Variants in PRKAR2A observed in about 807,000 individuals in gnomAD.
PRKAR2A encodes the protein protein kinase cAMP-dependent type II regulatory subunit alpha, also known as cAMP-dependent protein kinase type II-alpha regulatory subunit.
Under a neutral mutation model 51.9 loss-of-function variants are expected in PRKAR2A, and 29 were observed. The ratio of observed to expected loss-of-function variants is 0.56; its 90% CI spans 0.42 to 0.76. The LOEUF (loss-of-function observed/expected upper bound fraction) is 0.76. PRKAR2A is among the 30% of genes least tolerant of loss of function. PRKAR2A has a pLI of 0.00. For synonymous variants in PRKAR2A, 178 were observed against 186.2 expected (o/e 0.96, Z 0.36); for missense variants, 445 against 512.1 (o/e 0.87, Z 1.26).
At chr3:48,802,107 C>T (rs1333739189) in intron 2 of PRKAR2A, among the ~76,000 whole-genome samples, 1 of 152,132 alleles carries the variant, frequency 6.6e-6, no homozygotes, top group African/African-American at 2.4e-5. Context: ...TGGGGTTTCA[C>T]GATGTTGGCC....
At chr3:48,817,669 T>A (rs1372690910) in intron 1 of PRKAR2A, among the ~76,000 whole-genome samples, 6 of 144,398 alleles carry the variant, frequency 4.2e-5, no homozygotes, top group East Asian at 2.0e-4. Flanking sequence ...ATAAATAAAA[T>A]AAATAAATAA....
intron 5 of PRKAR2A, among the ~76,000 whole-genome samples, chr3:48,780,709 C>G (rs2082181459): frequency 6.6e-6 from 1 of 150,534 alleles, no homozygotes; most frequent in Admixed American, 6.7e-5. Flanking sequence ...GTTCAAGAAT[C>G]TAAATAAGAA....
chr3:48,839,134 A>T (rs1265084070), intron 1 of PRKAR2A, among the ~76,000 whole-genome samples: 1 of 151,962 alleles, frequency 6.6e-6, no homozygotes, highest in Non-Finnish European at 1.5e-5. Flanking sequence ...CTAAAAACAC[A>T]AACATTAGCC....
At chr3:48,770,167 A>G (rs1418154416) in intron 6 of PRKAR2A, among the ~76,000 whole-genome samples, 1 of 152,178 alleles carries the variant, frequency 6.6e-6, no homozygotes, top group East Asian at 1.9e-4. Flanking sequence ...GAGAATATAA[A>G]AAAAGCACCA....
At chr3:48,798,828 T>C (rs1336359356) in intron 2 of PRKAR2A, among the ~76,000 whole-genome samples, 1 of 151,978 alleles carries the variant, frequency 6.6e-6, no homozygotes, top group East Asian at 1.9e-4. Flanking sequence ...GCCCAGCTAA[T>C]TTTTGTATTT....
chr3:48,782,735 C>T (rs768924322), intron 5 of PRKAR2A, among the ~76,000 whole-genome samples: 28 of 152,196 alleles, frequency 1.8e-4, no homozygotes, highest in Non-Finnish European at 3.8e-4. Flanking sequence ...CAATTACAGG[C>T]ATGAGCCACT....
At chr3:48,788,740 G>A (rs373911190) in intron 4 of PRKAR2A, among the ~76,000 whole-genome samples, 10 of 152,060 alleles carry the variant, frequency 6.6e-5, no homozygotes, top group African/African-American at 2.2e-4. Context: ...GGTTATCTAC[G>A]AACCAGGAAG....
At position 48,790,595 on chromosome 3, in the gene PRKAR2A, G is replaced by C. The variant is rs976738602; in HGVS notation, c.384C>G (p.Cys128Trp). 6.5e-7 allele frequency: 1 copy of C among 1,530,080 alleles called. No individual in the cohort carries two copies. Among genetic ancestry groups the C allele is most frequent in the African/African-American group, 1.4e-5 (1 of 71,584 alleles). The allele number at this position is 1,530,080 out of a possible 1,614,324, so 94.8% of individuals were successfully genotyped here. A position where few individuals can be genotyped will look rare whatever the true frequency, so the allele number is the denominator to read the frequency against. The change falls in exon 4 of 11, where the codon TGC becomes TGG. Residue 128 changes from cysteine (C) to tryptophan (W), a missense_variant. Coordinates refer to ENST00000265563, the MANE Select transcript of PRKAR2A (RefSeq NM_004157.4). ...TATCTTTGCAAGCTTCCTGAAGTCTGCATCTCTGTTCATCAGTTTTAGGAT... is the reference window on the plus strand; with the variant it reads ...TATCTTTGCAAGCTTCCTGAAGTCTCCATCTCTGTTCATCAGTTTTAGGAT... ...VIHPKTDEQR[C>W]RLQEACKDIL...
chr3:48,829,871 A>ATTTT lies in PRKAR2A; in HGVS notation c.262+17460_262+17463dup, dbSNP rs763726926. Among the ~76,000 whole-genome samples the ATTTT allele has an allele frequency of 2.6e-4, 23 of 87,726 alleles. 2 individuals carry two copies. The highest frequency in any genetic ancestry group is 1.2e-3 in the African/African-American group (23 of 18,680). 57.6% of individuals were successfully genotyped at this position (87,726 alleles called of 152,430 possible). A position where few individuals can be genotyped will look rare whatever the true frequency, so the allele number is the denominator to read the frequency against. ...TGTATATATATATATATATATATAT[A>ATTTT]TTTTTTTTTTTTTTTTAAGCTTTTT... On this transcript the variant is annotated intron_variant, in intron 1 of 10. Coordinates refer to ENST00000265563, the MANE Select transcript of PRKAR2A (RefSeq NM_004157.4).
rs374314856 is a variant in PRKAR2A, at chr3:48,813,847, GA to G, written c.263-6164del. On this transcript the variant is annotated intron_variant, in intron 1 of 10. Coordinates refer to ENST00000265563, the MANE Select transcript of PRKAR2A (RefSeq NM_004157.4). The stretch of plus-strand genomic sequence containing the variant: ...AGATAAAGGAGGAAAGTGGGGCCAG[GA>G]TGTGTTGGCTCACACCTGTAATTCC... Among the ~76,000 whole-genome samples, 453 of 152,274 alleles carry G rather than the reference GA, an allele frequency of 3.0e-3. 3 individuals are homozygous for G. The highest frequency in any genetic ancestry group is 9.9e-3 in the African/African-American group (413 of 41,554).
chr3:48,840,124 GT>G (rs1437110410), intron 1 of PRKAR2A, among the ~76,000 whole-genome samples: 2 of 152,102 alleles, frequency 1.3e-5, no homozygotes, highest in Non-Finnish European at 2.9e-5. Context: ...TACATTATTT[GT>G]CCTTTTGTAT....
intron 1 of PRKAR2A, among the ~76,000 whole-genome samples, chr3:48,840,111 T>A (rs1044093690): frequency 7.2e-5 from 11 of 152,220 alleles, no homozygotes; most frequent in Non-Finnish European, 1.3e-4. Flanking sequence ...GTAAGTGGAA[T>A]CATACATTAT....
At chr3:48,773,597 TA>T (rs1456294944) in intron 5 of PRKAR2A, among the ~76,000 whole-genome samples, 3 of 151,742 alleles carry the variant, frequency 2.0e-5, no homozygotes, top group African/African-American at 7.3e-5. Context: ...CTCAGCCTCC[TA>T]AAGTGCTGGG....
chr3:48,777,178 GAA>G (rs1003132139), intron 5 of PRKAR2A, among the ~76,000 whole-genome samples: 55 of 152,210 alleles, frequency 3.6e-4, no homozygotes, highest in African/African-American at 1.3e-3. Context: ...CCTGCTATCT[GAA>G]GTCATTTTTG....
intron 3 of PRKAR2A, among the ~76,000 whole-genome samples, chr3:48,791,038 C>A (rs1363293928): frequency 3.9e-5 from 6 of 152,102 alleles, no homozygotes; most frequent in Non-Finnish European, 7.4e-5. Context: ...CCTGTAATCC[C>A]AACACTTTGG....
intron 1 of PRKAR2A, among the ~76,000 whole-genome samples, chr3:48,829,845 G>GTGTGTA (rs1205804647): frequency 6.5e-5 from 3 of 46,274 alleles, no homozygotes; most frequent in African/African-American, 2.1e-4. Context: ...ATATGCGTGT[G>GTGTGTA]TGTATATATA....
chr3:48,828,165 C>T (rs2083100603), intron 1 of PRKAR2A, among the ~76,000 whole-genome samples: 1 of 152,078 alleles, frequency 6.6e-6, no homozygotes, highest in African/African-American at 2.4e-5. Flanking sequence ...CGCACATGGC[C>T]CAACTTTAAA....
chr3:48,800,838 A>AT (rs1219640064), intron 2 of PRKAR2A, among the ~76,000 whole-genome samples: 1 of 150,846 alleles, frequency 6.6e-6, no homozygotes, highest in East Asian at 2.0e-4. Context: ...ACACCCAGCT[A>AT]TTTTTTTTGT....
intron 1 of PRKAR2A, among the ~76,000 whole-genome samples, chr3:48,844,753 C>T (rs2083434902): frequency 6.7e-6 from 1 of 148,734 alleles, no homozygotes; most frequent in African/African-American, 2.5e-5. Context: ...AACCAAACAC[C>T]GCATGTTCTC....
Sources: allele counts gnomAD v4.1 joint callset (sites outside exome capture counted in the v4.1 genomes callset), GRCh38; gene constraint gnomAD v4.1.1; transcripts MANE v1.5; gene names NCBI Gene and HGNC (gene_info 2026-07-23, HGNC 2026-07-21).